Variants in TENM2 observed in about 807,000 individuals in gnomAD.
TENM2 encodes the protein teneurin transmembrane protein 2.
Under a neutral mutation model 245.2 loss-of-function variants are expected in TENM2, and 52 were observed. The observed-to-expected ratio is 0.21, with a 90% CI of 0.17 to 0.27. The LOEUF (loss-of-function observed/expected upper bound fraction) is 0.27, where lower values mean the gene tolerates loss of function less well. Ranked by LOEUF, TENM2 falls within the 10% of genes least tolerant of loss-of-function variation. The pLI is 1.00. For synonymous variants in TENM2, 1,363 were observed against 1,438.9 expected, an observed-to-expected ratio of 0.95 and a Z score of 1.19; for missense variants, 3,046 against 3,666.8, an observed-to-expected ratio of 0.83 and a Z score of 4.37.
chr5:167,702,554 A>G (rs5022507), intron 2 of TENM2, among the ~76,000 whole-genome samples: 142 of 82,240 alleles, frequency 1.7e-3, no homozygotes, highest in East Asian at 4.2e-3. Flanking sequence ...GTGTGTGTGT[A>G]TATATATATA....
intron 7 of TENM2, among the ~76,000 whole-genome samples, chr5:168,072,009 T>C (rs1454894355): frequency 1.3e-5 from 2 of 152,220 alleles, no homozygotes; most frequent in Admixed American, 6.6e-5. Context: ...TGTTCCTCGT[T>C]AGGGCTTGGG....
chr5:168,203,900 A>G, intron 18 of TENM2, 68 bp downstream of exon 20: 1 of 1,417,238 alleles, frequency 7.1e-7, no homozygotes, highest in Non-Finnish European at 9.5e-7. Flanking sequence ...CTCTAGCCTC[A>G]GCATTTAAGT....
the TENM2 span, among the ~76,000 whole-genome samples, chr5:167,178,112 C>A: frequency 6.6e-6 from 1 of 152,302 alleles, no homozygotes; most frequent in African/African-American, 2.4e-5. Context: ...CCTAAGTCCA[C>A]TTGGCAAGTG....
chr5:167,640,997 G>C (rs981641402), intron 2 of TENM2, among the ~76,000 whole-genome samples: 2 of 147,908 alleles, frequency 1.4e-5, no homozygotes, highest in East Asian at 4.0e-4. Flanking sequence ...CAAAAATCCT[G>C]ACCGACCTCA....
chr5:167,969,602 G>T (rs183690414), intron 4 of TENM2, among the ~76,000 whole-genome samples: 1 of 152,328 alleles, frequency 6.6e-6, no homozygotes, highest in Admixed American at 6.5e-5. Flanking sequence ...GATCCTGACA[G>T]AACAGGATTC....
chr5:167,567,163 C>T (rs368328787), intron 2 of TENM2, among the ~76,000 whole-genome samples: 2 of 152,224 alleles, frequency 1.3e-5, no homozygotes, highest in East Asian at 1.9e-4. Context: ...ATTATCTCAT[C>T]TTTACAAATA....
intron 2 of TENM2, among the ~76,000 whole-genome samples, chr5:167,696,769 G>A (rs1582777490): frequency 6.6e-6 from 1 of 152,264 alleles, no homozygotes; most frequent in African/African-American, 2.4e-5. Context: ...AGAGACTCGT[G>A]CTACAGCCTC....
At chr5:167,767,080 A>G (rs1027048998) in intron 2 of TENM2, among the ~76,000 whole-genome samples, 1 of 152,250 alleles carries the variant, frequency 6.6e-6, no homozygotes, top group Non-Finnish European at 1.5e-5. Flanking sequence ...GCAAAGACTC[A>G]GACAGATATT....
At chr5:167,229,259 G>C in the TENM2 span, among the ~76,000 whole-genome samples, 11 of 152,218 alleles carry the variant, frequency 7.2e-5, no homozygotes, top group Non-Finnish European at 1.6e-4. Context: ...GCAGGCCCCA[G>C]TGGTGGCAGT....
At chr5:167,250,568 A>G in the TENM2 span, among the ~76,000 whole-genome samples, 2 of 152,146 alleles carry the variant, frequency 1.3e-5, no homozygotes, top group Non-Finnish European at 2.9e-5. Flanking sequence ...TAATGCATAT[A>G]TGATTTTATC....
the TENM2 span, among the ~76,000 whole-genome samples, chr5:167,172,288 T>C: frequency 6.6e-6 from 1 of 152,236 alleles, no homozygotes; most frequent in Non-Finnish European, 1.5e-5. Context: ...GAGAAAATTG[T>C]ACCCTTATAT....
intron 2 of TENM2, among the ~76,000 whole-genome samples, chr5:167,766,028 CAG>C (rs560533551): frequency 3.9e-5 from 6 of 151,990 alleles, no homozygotes; most frequent in Non-Finnish European, 8.8e-5. Flanking sequence ...CCTAGAAACA[CAG>C]AGAGAGAGAC....
At chr5:167,462,466 C>G (rs1036968170) in intron 2 of TENM2, among the ~76,000 whole-genome samples, 1 of 152,012 alleles carries the variant, frequency 6.6e-6, no homozygotes, top group African/African-American at 2.4e-5. Flanking sequence ...TGTCCAGCGT[C>G]CAGGAAGAAT....
chr5:167,476,624 TTTCACTCTTTGTTGCCCAGGCTGGGG>T (rs1346898644), intron 2 of TENM2, among the ~76,000 whole-genome samples: 2 of 151,974 alleles, frequency 1.3e-5, no homozygotes, highest in Admixed American at 6.6e-5. Flanking sequence ...TGAGGTGGAG[TTTCACTCTTTGTTGCCCAGGCTGGGG>T]TGCAATGGCA....
chr5:167,310,230 G>A (rs1184119602), intron 1 of TENM2, among the ~76,000 whole-genome samples: 2 of 152,162 alleles, frequency 1.3e-5, no homozygotes, highest in African/African-American at 2.4e-5. Context: ...TATGCTCTAC[G>A]GCTGTCGCCA....
intron 2 of TENM2, among the ~76,000 whole-genome samples, chr5:167,789,671 C>T (rs556351470): frequency 6.6e-6 from 1 of 152,200 alleles, no homozygotes; most frequent in Non-Finnish European, 1.5e-5. Flanking sequence ...CTCTCATAAA[C>T]CATCTTAGTA....
chr5:168,211,120 A>G (rs997468218), intron 19 of TENM2, among the ~76,000 whole-genome samples: 9 of 152,244 alleles, frequency 5.9e-5, no homozygotes, highest in African/African-American at 2.2e-4. Context: ...AAAGGAGACA[A>G]TGAAGGTGAC....
At chr5:167,994,970 C>G (rs1017320952) in intron 5 of TENM2, among the ~76,000 whole-genome samples, 4 of 152,142 alleles carry the variant, frequency 2.6e-5, no homozygotes, top group African/African-American at 2.4e-5. Flanking sequence ...ATTGAATGTG[C>G]CTTCGGGGTC....
At chr5:167,404,807 T>C (rs1006760709) in intron 2 of TENM2, among the ~76,000 whole-genome samples, 2 of 152,148 alleles carry the variant, frequency 1.3e-5, no homozygotes, top group African/African-American at 4.8e-5. Context: ...AACGTGCAAT[T>C]CACTCACTTA....
Sources: allele counts gnomAD v4.1 joint callset (sites outside exome capture counted in the v4.1 genomes callset), GRCh38; gene constraint gnomAD v4.1.1; transcripts MANE v1.5; gene names NCBI Gene and HGNC (gene_info 2026-07-23, HGNC 2026-07-21).